CRMP1: variants seen among roughly 807,000 people sequenced by gnomAD.
CRMP1 encodes the protein dihydropyrimidinase-related protein 1.
In CRMP1, 19 loss-of-function variants were observed where a neutral mutation model predicts 68.3. The observed-to-expected ratio is 0.28, with a 90% CI of 0.19 to 0.41. The LOEUF (loss-of-function observed/expected upper bound fraction) is 0.41, where lower values mean the gene tolerates loss of function less well. Ranked by LOEUF, CRMP1 falls within the 10% of genes least tolerant of loss-of-function variation. The pLI is 1.00. For missense variants in CRMP1, 791 were observed against 967.4 expected (o/e 0.82, Z 2.42); for synonymous variants, 439 against 399.6 (o/e 1.10, Z -1.18).
chr4:5,839,787 CCAGAA>C, intron 8 of CRMP1, 109 bp from the exon 9 acceptor site: 1 of 1,273,494 alleles, frequency 7.9e-7, no homozygotes, highest in Non-Finnish European at 1.1e-6. Flanking sequence ...TGGCTGAAGG[CCAGAA>C]CACTGGCCAC....
In CRMP1 at chr4:5,821,752, A is replaced by G. The variant is rs747958342; in HGVS notation, c.*8T>C. ...ATCCTTCAGGCTAGCTCCTCCGCGC[A>G]TCCACGTTCAACCGAGGCTGGTGAT... On this transcript the variant is annotated 3_prime_UTR_variant, in exon 14 of 14. Coordinates refer to ENST00000324989, the MANE Select transcript of CRMP1 (RefSeq NM_001014809.3). The surrounding 1 kb of genome is among the most constrained non-coding windows in gnomAD (Gnocchi z 4.4). 11 of 1,605,294 alleles carry G rather than the reference A, an allele frequency of 6.9e-6. No individual in the cohort carries two copies. The South Asian group carries it at 1.2e-4, about 18-fold the overall frequency.
At chr4:5,851,554 G>A in intron 4 of CRMP1, 85 bp from the exon 5 acceptor site, 1 of 1,334,708 alleles carries the variant, frequency 7.5e-7, no homozygotes, top group Non-Finnish European at 1.1e-6. Context: ...CCACAGAGCA[G>A]AGTGGTAGTC....
intron 11 of CRMP1, among the ~76,000 whole-genome samples, chr4:5,835,385 G>C (rs1720664165): frequency 6.6e-6 from 1 of 152,194 alleles, no homozygotes; most frequent in Admixed American, 6.5e-5. Flanking sequence ...TAGGTTGCTG[G>C]ATGAGTGGAG....
intron 5 of CRMP1, 122 bp downstream of exon 5, chr4:5,851,286 C>A: frequency 1.1e-6 from 1 of 878,654 alleles, no homozygotes. Context: ...CATTCCATGC[C>A]AGAACCAGGA....
intron 11 of CRMP1, 84 bp from the exon 12 acceptor site, chr4:5,828,752 A>G (rs936560747): frequency 5.4e-6 from 8 of 1,478,150 alleles, no homozygotes; most frequent in South Asian, 3.9e-5. Flanking sequence ...GCCTAACATT[A>G]TATCATAAGC....
At position 5,836,011 on chromosome 4, in the gene CRMP1, G is replaced by A. The variant is rs1389984006; in HGVS notation, c.1527C>T (p.Tyr509=). ...STNAAKIFNL[Y]PRKGRIAVGS... is the part of the protein sequence containing the mutation. ...CCACGGCAATCCGCCCTTTCCTTGGGTACAGGTTAAAGATCTTGGCTGCAT... is the reference window on the plus strand; with the variant it reads ...CCACGGCAATCCGCCCTTTCCTTGGATACAGGTTAAAGATCTTGGCTGCAT... The change falls in exon 11 of 14, where the codon TAC becomes TAT. Residue 509 remains tyrosine (Y), a synonymous_variant. Transcript: ENST00000324989. 1 of 1,607,154 alleles carries A rather than the reference G, an allele frequency of 6.2e-7. No individual in the cohort carries two copies. Among genetic ancestry groups the A allele is most frequent in the Non-Finnish European group, 8.5e-7 (1 of 1,176,734 alleles).
In CRMP1 at chr4:5,891,471, G is replaced by C. The variant is rs1411826721; in HGVS notation, c.381+1118C>G. 6.6e-6 allele frequency among the ~76,000 whole-genome samples: 1 copy of C among 152,180 alleles called. No homozygotes were observed. Among genetic ancestry groups the C allele is most frequent in the Non-Finnish European group, 1.5e-5 (1 of 68,030 alleles). On this transcript the variant is annotated intron_variant, in intron 1 of 13. Coordinates refer to ENST00000324989, the MANE Select transcript of CRMP1 (RefSeq NM_001014809.3). The surrounding 1 kb of genome is among the most constrained non-coding windows in gnomAD (Gnocchi z 5.2). ...TAAAATGATAATGATTGTAATAAAAGTCAACAACAAACATTTATTGAATGC... is the reference window on the plus strand; with the variant it reads ...TAAAATGATAATGATTGTAATAAAACTCAACAACAAACATTTATTGAATGC...
At chr4:5,839,377 C>T in intron 9 of CRMP1, 145 bp downstream of exon 9, 1 of 994,756 alleles carries the variant, frequency 1.0e-6, no homozygotes, top group Non-Finnish European at 1.4e-6. Context: ...TGTTGTAAGC[C>T]ATATGAGCGC....
intron 8 of CRMP1, among the ~76,000 whole-genome samples, chr4:5,839,999 G>C (rs1334905577): frequency 6.6e-6 from 1 of 152,238 alleles, no homozygotes; most frequent in African/African-American, 2.4e-5. Context: ...CCAAGCCATG[G>C]AGACACGATT....
Position 5,861,312 on chromosome 4 carries a change from GC to G in CRMP1, c.471-103del. On this transcript the variant is annotated intron_variant, in intron 2 of 13. Coordinates refer to ENST00000324989, the MANE Select transcript of CRMP1 (RefSeq NM_001014809.3). This position sits in a 1 kb window ranked among gnomAD's most constrained non-coding sequence, Gnocchi z 6.0. ...CATGAAATAAACATTTCTGAGCCAG[GC>G]CCTTCACAAGGCCCTGGGGAGACAG... 1 of 1,225,698 alleles carries G rather than the reference GC, an allele frequency of 8.2e-7. No homozygotes were observed. The highest frequency in any genetic ancestry group is 1.2e-6 in the Non-Finnish European group (1 of 869,144). The allele number at this position is 1,225,698 out of a possible 1,614,324, so 75.9% of individuals were successfully genotyped here.
intron 2 of CRMP1, among the ~76,000 whole-genome samples, chr4:5,864,841 C>T (rs35428919): frequency 0.062 from 9,415 of 151,796 alleles, 361 homozygotes; most frequent in South Asian, 0.11. Flanking sequence ...TGGCAAGTCC[C>T]GTGAGTCCCA....
chr4:5,827,267 G>T (rs528387599), intron 12 of CRMP1, among the ~76,000 whole-genome samples: 1 of 152,344 alleles, frequency 6.6e-6, no homozygotes, highest in African/African-American at 2.4e-5. Flanking sequence ...TCTTCAGTGG[G>T]TGTCCCAGCC....
rs747334581 is a variant in CRMP1 at position 5,861,074 on chromosome 4, A to G, written c.607T>C (p.Phe203Leu). 2.5e-6 allele frequency: 4 copies of G among 1,614,188 alleles called. No individual in the cohort carries two copies. Among genetic ancestry groups the G allele is most frequent in the Admixed American group, 3.3e-5 (2 of 60,022 alleles). ...AGTGCCGCCCTGGTCCCTTGGAAGAAGTCATCAGCCGCAGTCATCCCCTGG... is the reference window on the plus strand; with the variant it reads ...AGTGCCGCCCTGGTCCCTTGGAAGAGGTCATCAGCCGCAGTCATCCCCTGG... ...PSQGMTAADD[F>L]FQGTRAALVG... The change falls in exon 3 of 14, where the codon TTC (phenylalanine) becomes CTC (leucine). Residue 203 changes from phenylalanine (F) to leucine (L), a missense_variant. Physicochemically the swap from Phe to Leu is conservative, Grantham distance 22. This residue lies in a region of CRMP1 where 594 missense variants were observed against 763.6 expected (regional missense o/e 0.78). Transcript: ENST00000324989. This position sits in a 1 kb window ranked among gnomAD's most constrained non-coding sequence, Gnocchi z 6.0.
intron 1 of CRMP1, among the ~76,000 whole-genome samples, chr4:5,878,963 C>A (rs1715039994): frequency 6.6e-6 from 1 of 152,066 alleles, no homozygotes; most frequent in Admixed American, 6.5e-5. Flanking sequence ...CTGACTTTCA[C>A]CTCCCAATGC....
chr4:5,828,228 T>C, intron 12 of CRMP1: 1 of 985,314 alleles, frequency 1.0e-6, no homozygotes, highest in Non-Finnish European at 1.2e-6. Context: ...TAAGCGTCCC[T>C]CCCATGATCC....
intron 11 of CRMP1, among the ~76,000 whole-genome samples, chr4:5,828,927 A>AG (rs1453709639): frequency 6.9e-6 from 1 of 145,476 alleles, no homozygotes; most frequent in Non-Finnish European, 1.5e-5. Flanking sequence ...ACAAAGAGGA[A>AG]GGGGGTCCCC....
chr4:5,829,737 T>C (rs1720218952), intron 11 of CRMP1, among the ~76,000 whole-genome samples: 1 of 152,224 alleles, frequency 6.6e-6, no homozygotes, highest in African/African-American at 2.4e-5. Context: ...AAAATACTTT[T>C]ACACTGCTAC....
At chr4:5,864,628 G>T (rs1713851268) in intron 2 of CRMP1, among the ~76,000 whole-genome samples, 1 of 152,200 alleles carries the variant, frequency 6.6e-6, no homozygotes, top group Non-Finnish European at 1.5e-5. Flanking sequence ...GACAGTGGCT[G>T]CAACAGACAG....
chr4:5,825,905 A>G lies in CRMP1; in HGVS notation c.1804-246T>C. ...CCCACATGCATACACATACAGACGCACACACCACGCACACGCACTCACATA... is the reference window on the plus strand; with the variant it reads ...CCCACATGCATACACATACAGACGCGCACACCACGCACACGCACTCACATA... On this transcript the variant is annotated intron_variant, in intron 12 of 13. Coordinates refer to ENST00000324989, the MANE Select transcript of CRMP1 (RefSeq NM_001014809.3). This position sits in a 1 kb window ranked among gnomAD's most constrained non-coding sequence, Gnocchi z 4.4. 3.9e-6 allele frequency: 2 copies of G among 514,754 alleles called. No homozygotes were observed. The highest frequency in any genetic ancestry group is 6.7e-6 in the Non-Finnish European group (2 of 297,042). 31.9% of individuals were successfully genotyped at this position (514,754 alleles called of 1,614,324 possible). A position where few individuals can be genotyped will look rare whatever the true frequency, so the allele number is the denominator to read the frequency against.
Sources: allele counts gnomAD v4.1 joint callset (sites outside exome capture counted in the v4.1 genomes callset), GRCh38; gene constraint gnomAD v4.1.1; regional missense constraint gnomAD v4.1.1; non-coding constraint Gnocchi (gnomAD v3.1); transcripts MANE v1.5; gene names NCBI Gene and HGNC (gene_info 2026-07-23, HGNC 2026-07-21).